The following SS18 variants were observed in gnomAD, a reference collection of about 807,000 sequenced individuals.
SS18 encodes the protein protein SSXT.
In SS18, 28 loss-of-function variants were observed where a neutral mutation model predicts 72.5. The ratio of observed to expected loss-of-function variants is 0.39; its 90% CI spans 0.29 to 0.53. The LOEUF is 0.53. Among genes scored for constraint, SS18 ranks in the 20% least tolerant of loss-of-function variants. SS18 has a pLI of 0.76. For missense variants in SS18, 518 were observed against 535.3 expected, an observed-to-expected ratio of 0.97 and a Z score of 0.32; for synonymous variants, 172 against 164.2, an observed-to-expected ratio of 1.05 and a Z score of -0.37.
At chr18:26,032,256 C>G in intron 10 of SS18, 143 bp downstream of exon 10, 1 of 934,570 alleles carries the variant, frequency 1.1e-6, no homozygotes, top group Non-Finnish European at 1.6e-6. Flanking sequence ...AAAAGTGATA[C>G]ACTTTTTGTT....
In SS18 at chr18:26,057,686, G is replaced by A; in HGVS notation, c.288C>T (p.Pro96=). The A allele has an allele frequency of 6.2e-7, 1 of 1,614,076 alleles. No homozygotes were observed. The stretch of plus-strand genomic sequence containing the variant: ...GCATGTTGTGAGAGCGTGGAGGTGG[G>A]GGAGGGCCGCTCTGATTCATCCCTC... ...GPGGMNQSGP[P]PPPRSHNMPS... is the part of the protein sequence containing the mutation. Residue 96 remains proline, a synonymous_variant, in exon 4 of 11, where the codon CCC becomes CCT. Transcript: ENST00000415083.
intron 5 of SS18, among the ~76,000 whole-genome samples, chr18:26,046,040 T>A (rs2053814991): frequency 6.6e-6 from 1 of 151,322 alleles, no homozygotes; most frequent in African/African-American, 2.4e-5. Context: ...TATAAAAATG[T>A]GCTGGACATG....
At chr18:26,047,060 C>G (rs1468703105) in intron 5 of SS18, among the ~76,000 whole-genome samples, 1 of 152,064 alleles carries the variant, frequency 6.6e-6, no homozygotes, top group African/African-American at 2.4e-5. Context: ...GAATTGCATA[C>G]AGCAAGGCCT....
Position 26,035,758 on chromosome 18 carries a change from T to C in SS18, c.973+73A>G. Reference sequence around the variant, plus strand: ...TACAAGAGCTTTGCATGGGTAGAAGTTGTCTTATGCAAGAATTTTCATTCC... The same window carrying C: ...TACAAGAGCTTTGCATGGGTAGAAGCTGTCTTATGCAAGAATTTTCATTCC... On this transcript the variant is annotated intron_variant, in intron 8 of 10. Transcript: ENST00000415083. This position sits in a 1 kb window ranked among gnomAD's most constrained non-coding sequence, Gnocchi z 4.4. 3 of 1,060,054 alleles carry C rather than the reference T, an allele frequency of 2.8e-6. No homozygotes were observed. Among genetic ancestry groups the C allele is most frequent in the Non-Finnish European group, 4.1e-6 (3 of 739,218 alleles). The allele number at this position is 1,060,054 out of a possible 1,614,324, so 65.7% of individuals were successfully genotyped here. A position where few individuals can be genotyped will look rare whatever the true frequency, so the allele number is the denominator to read the frequency against.
At chr18:26,036,229 C>A (rs935828001) in intron 7 of SS18, among the ~76,000 whole-genome samples, 1 of 152,066 alleles carries the variant, frequency 6.6e-6, no homozygotes, top group Non-Finnish European at 1.5e-5. Flanking sequence ...GAATAAAAGT[C>A]TTTCACATGT....
At position 26,035,535 on chromosome 18, in the gene SS18, C is replaced by A; in HGVS notation, c.973+296G>T. 3.3e-6 allele frequency: 1 copy of A among 302,504 alleles called. No individual in the cohort carries two copies. The highest frequency in any genetic ancestry group is 6.1e-6 in the Non-Finnish European group (1 of 164,590). The allele number at this position is 302,504 out of a possible 1,614,324, so 18.7% of individuals were successfully genotyped here. On this transcript the variant is annotated intron_variant, in intron 8 of 10. Coordinates refer to ENST00000415083, the MANE Select transcript of SS18 (RefSeq NM_001007559.3). This position sits in a 1 kb window ranked among gnomAD's most constrained non-coding sequence, Gnocchi z 4.4. ...GTAAAATTATACATATGTAAACACA[C>A]ACGAGAAAAAAAAGTTTGATGGATT... is the stretch of plus-strand genomic sequence containing the variant.
chr18:26,070,752 A>G (rs1231144885), intron 3 of SS18, among the ~76,000 whole-genome samples: 2 of 152,216 alleles, frequency 1.3e-5, no homozygotes, highest in South Asian at 2.1e-4. Flanking sequence ...TTAAACTTAT[A>G]TATAATTATG....
At chr18:26,060,358 C>T (rs1033179440) in intron 3 of SS18, among the ~76,000 whole-genome samples, 15 of 152,046 alleles carry the variant, frequency 9.9e-5, no homozygotes, top group African/African-American at 3.6e-4. Context: ...TTCAGAGAGA[C>T]AGAAAGTAGA....
At chr18:26,084,206 G>A (rs1190279752) in intron 2 of SS18, 1 of 152,140 alleles carries the variant, frequency 6.6e-6, no homozygotes, top group African/African-American at 2.4e-5. Context: ...AAATAATAAA[G>A]TAAGAGATTA....
chr18:26,049,101 A>C (rs1410406343), intron 5 of SS18, among the ~76,000 whole-genome samples: 1 of 152,220 alleles, frequency 6.6e-6, no homozygotes, highest in Non-Finnish European at 1.5e-5. Flanking sequence ...TAACACAAGC[A>C]CTGCAATTTG....
At chr18:26,074,494 A>G (rs902309718) in intron 3 of SS18, among the ~76,000 whole-genome samples, 7 of 152,104 alleles carry the variant, frequency 4.6e-5, no homozygotes, top group African/African-American at 1.4e-4. Context: ...ATGTGAAAAT[A>G]TAGTGTCTTC....
chr18:26,067,991 A>T (rs1453326527), intron 3 of SS18, among the ~76,000 whole-genome samples: 1 of 152,136 alleles, frequency 6.6e-6, no homozygotes, highest in Admixed American at 6.5e-5. Flanking sequence ...CACAGTTCAC[A>T]ATAGGGTTCA....
At chr18:26,087,202 T>G (rs963189182) in intron 2 of SS18, among the ~76,000 whole-genome samples, 1 of 152,054 alleles carries the variant, frequency 6.6e-6, no homozygotes, top group African/African-American at 2.4e-5. Context: ...TTATATGAAA[T>G]GTCACAACAG....
chr18:26,056,349 C>CA (rs2054020607), intron 4 of SS18, among the ~76,000 whole-genome samples: 1 of 152,224 alleles, frequency 6.6e-6, no homozygotes, highest in African/African-American at 2.4e-5. Flanking sequence ...GTTCTAAAAA[C>CA]AGTGTGTCCT....
intron 10 of SS18, 82 bp downstream of exon 10, chr18:26,032,317 T>A (rs1382111138): frequency 2.6e-6 from 4 of 1,519,062 alleles, no homozygotes; most frequent in Non-Finnish European, 3.6e-6. Flanking sequence ...AGGCTTCAAG[T>A]TAAATAAATT....
At chr18:26,072,816 A>C (rs965728363) in intron 3 of SS18, among the ~76,000 whole-genome samples, 3 of 150,932 alleles carry the variant, frequency 2.0e-5, no homozygotes, top group South Asian at 2.1e-4. Flanking sequence ...AAAAAAAAAA[A>C]AAAAAACCTT....
intron 7 of SS18, among the ~76,000 whole-genome samples, chr18:26,036,709 C>T (rs910539637): frequency 6.6e-6 from 1 of 151,962 alleles, no homozygotes; most frequent in African/African-American, 2.4e-5. Context: ...ACAAAAATGC[C>T]TAATTAAGGA....
chr18:26,033,172 T>C lies in SS18; in HGVS notation c.1097-640A>G, dbSNP rs188420002. Among the ~76,000 whole-genome samples the C allele has an allele frequency of 1.1e-3, 174 of 152,356 alleles. 1 individual carries two copies. The highest frequency in any genetic ancestry group is 2.0e-3 in the Admixed American group (31 of 15,300). On this transcript the variant is annotated intron_variant, in intron 9 of 10. Coordinates refer to ENST00000415083, the MANE Select transcript of SS18 (RefSeq NM_001007559.3). ...TAAAAATGATTACAAATTCCAGAGATGGCAAGGGACTGACTTGGCTTGCTA... is the reference window on the plus strand; with the variant it reads ...TAAAAATGATTACAAATTCCAGAGACGGCAAGGGACTGACTTGGCTTGCTA...
At chr18:26,061,914 C>A (rs1363052693) in intron 3 of SS18, among the ~76,000 whole-genome samples, 1 of 152,096 alleles carries the variant, frequency 6.6e-6, no homozygotes, top group African/African-American at 2.4e-5. Context: ...GTAATAATGA[C>A]TCTACTGGTT....
Sources: allele counts gnomAD v4.1 joint callset (sites outside exome capture counted in the v4.1 genomes callset), GRCh38; gene constraint gnomAD v4.1.1; non-coding constraint Gnocchi (gnomAD v3.1); transcripts MANE v1.5; gene names NCBI Gene and HGNC (gene_info 2026-07-23, HGNC 2026-07-21).